BLTP3A: variants seen among roughly 807,000 people sequenced by gnomAD.
The protein encoded by BLTP3A is bridge-like lipid transfer protein family member 3A.
At chr6:34,825,198 A>G in the BLTP3A span, among the ~76,000 whole-genome samples, 1 of 152,060 alleles carries the variant, frequency 6.6e-6, no homozygotes, top group Non-Finnish European at 1.5e-5. Flanking sequence ...TTCTCATTTA[A>G]TCTGGTAGAT....
the BLTP3A span, among the ~76,000 whole-genome samples, chr6:34,808,471 A>C: frequency 1.3e-4 from 19 of 152,000 alleles, no homozygotes; most frequent in African/African-American, 4.1e-4. Flanking sequence ...GTTCACCTTT[A>C]GCAAGACTGA....
chr6:34,864,169 G>C, the BLTP3A span: 1 of 1,614,114 alleles, frequency 6.2e-7, no homozygotes, highest in Non-Finnish European at 8.5e-7. Flanking sequence ...AGTGATGGCA[G>C]TGATAGCTTT....
chr6:34,821,395 C>A, the BLTP3A span: 1 of 356,208 alleles, frequency 2.8e-6, no homozygotes, highest in South Asian at 5.7e-5. Context: ...TAGGTCTCAC[C>A]TAACATCTTA....
the BLTP3A span, among the ~76,000 whole-genome samples, chr6:34,797,529 C>T: frequency 2.1e-3 from 315 of 152,258 alleles, 1 homozygote; most frequent in African/African-American, 7.0e-3. Flanking sequence ...TTTCCAAGGT[C>T]ACTTAGGTGG....
the BLTP3A span, among the ~76,000 whole-genome samples, chr6:34,792,580 C>T: frequency 6.6e-6 from 1 of 152,150 alleles, no homozygotes; most frequent in African/African-American, 2.4e-5. Context: ...TCTTTCCCCT[C>T]AAGGCCCTTC....
chr6:34,868,108 A>T, the BLTP3A span, among the ~76,000 whole-genome samples: 2 of 150,604 alleles, frequency 1.3e-5, no homozygotes, highest in East Asian at 3.9e-4. Flanking sequence ...GGAGTTCGAG[A>T]CCAGCCTGGC....
At chr6:34,809,564 CGTTT>C in the BLTP3A span, among the ~76,000 whole-genome samples, 33 of 151,900 alleles carry the variant, frequency 2.2e-4, no homozygotes, top group Admixed American at 9.8e-4. Flanking sequence ...TTTTTTTGTT[CGTTT>C]GTTTGTTTGT....
the BLTP3A span, among the ~76,000 whole-genome samples, chr6:34,819,496 C>T: frequency 6.6e-6 from 1 of 152,104 alleles, no homozygotes; most frequent in Non-Finnish European, 1.5e-5. Flanking sequence ...GTTGGGTCAT[C>T]ATTTGGATTA....
the BLTP3A span, among the ~76,000 whole-genome samples, chr6:34,848,301 T>TC: frequency 6.7e-5 from 10 of 148,200 alleles, 1 homozygote; most frequent in East Asian, 1.9e-4. Context: ...AAAATAATAA[T>TC]AATCAATCAA....
the BLTP3A span, chr6:34,871,574 T>C: frequency 1.2e-6 from 2 of 1,611,638 alleles, no homozygotes; most frequent in Non-Finnish European, 1.7e-6. Flanking sequence ...GGTTTCTCTC[T>C]TTCCTGCAGG....
chr6:34,802,704 G>T, the BLTP3A span, among the ~76,000 whole-genome samples: 24 of 152,184 alleles, frequency 1.6e-4, no homozygotes, highest in Non-Finnish European at 2.9e-4. Flanking sequence ...TTCCACGTTT[G>T]CATGCAAACA....
chr6:34,841,577 T>G, the BLTP3A span, among the ~76,000 whole-genome samples: 102 of 152,314 alleles, frequency 6.7e-4, 1 homozygote, highest in African/African-American at 2.0e-3. Context: ...ACTTCCATCA[T>G]CACAGAAAGT....
chr6:34,792,532 G>T, the BLTP3A span, among the ~76,000 whole-genome samples: 12 of 152,260 alleles, frequency 7.9e-5, no homozygotes, highest in African/African-American at 2.6e-4. Context: ...CGCCGGTGCC[G>T]CTAGTCTCTC....
the BLTP3A span, chr6:34,856,869 A>T: frequency 6.2e-7 from 1 of 1,614,192 alleles, no homozygotes. Flanking sequence ...AGCCTCCAGC[A>T]TGGAACCGCT....
At chr6:34,875,381 G>A in the BLTP3A span, 1 of 152,214 alleles carries the variant, frequency 6.6e-6, no homozygotes, top group African/African-American at 2.4e-5. Flanking sequence ...ATTATTCCAC[G>A]TTAGGCTCAC....
At chr6:34,793,606 T>C in the BLTP3A span, among the ~76,000 whole-genome samples, 3 of 152,276 alleles carry the variant, frequency 2.0e-5, 1 homozygote, top group East Asian at 5.8e-4. Context: ...AAAAAGCACA[T>C]TGGAGGCTGG....
chr6:34,792,393 C>A, the BLTP3A span: 16 of 1,234,032 alleles, frequency 1.3e-5, no homozygotes, highest in Non-Finnish European at 1.7e-5. Context: ...CTGCCTCTCT[C>A]CAGCCCGGAG....
the BLTP3A span, among the ~76,000 whole-genome samples, chr6:34,818,614 C>T: frequency 6.6e-6 from 1 of 152,058 alleles, no homozygotes; most frequent in Non-Finnish European, 1.5e-5. Context: ...TAATGAAAAG[C>T]CATACAGTCA....
At chr6:34,820,580 A>T in the BLTP3A span, among the ~76,000 whole-genome samples, 2 of 149,460 alleles carry the variant, frequency 1.3e-5, no homozygotes, top group South Asian at 4.3e-4. Context: ...TTTTTTCCCC[A>T]CCCACTTGTC....
Sources: allele counts gnomAD v4.1 joint callset (sites outside exome capture counted in the v4.1 genomes callset), GRCh38; gene constraint gnomAD v4.1.1; transcripts MANE v1.5; gene names NCBI Gene and HGNC (gene_info 2026-07-23, HGNC 2026-07-21).